SGK1: variants seen among roughly 807,000 people sequenced by gnomAD.
SGK1 encodes the protein serum/glucocorticoid regulated kinase 1.
A neutral mutation model predicts 64.2 loss-of-function variants in SGK1; 26 were observed. The ratio of observed to expected loss-of-function variants is 0.40; its 90% CI spans 0.30 to 0.56. SGK1 has a LOEUF of 0.56. SGK1 is among the 20% of genes least tolerant of loss of function. SGK1 has a pLI of 0.38. For missense variants in SGK1, 519 were observed against 645.6 expected (o/e 0.80, Z 2.12); for synonymous variants, 265 against 239.7 (o/e 1.11, Z -0.98).
chr6:134,199,994 A>G (rs570785332), intron 3 of SGK1, among the ~76,000 whole-genome samples: 1 of 152,342 alleles, frequency 6.6e-6, no homozygotes, highest in South Asian at 2.1e-4. Context: ...TGTTGCCAAT[A>G]ATAGTACTGG....
chr6:134,230,955 A>T (rs1389249571), intron 2 of SGK1, among the ~76,000 whole-genome samples: 2 of 152,200 alleles, frequency 1.3e-5, no homozygotes, highest in African/African-American at 4.8e-5. Context: ...CAGAGGCTGT[A>T]GTGAGCCAAG....
At chr6:134,287,004 T>C (rs770394608) in intron 1 of SGK1, among the ~76,000 whole-genome samples, 20 of 152,188 alleles carry the variant, frequency 1.3e-4, no homozygotes, top group Non-Finnish European at 2.9e-4. Context: ...TTTTTTGTTT[T>C]GTTTTTTGAG....
intron 2 of SGK1, among the ~76,000 whole-genome samples, chr6:134,242,805 G>T (rs1383999304): frequency 2.0e-5 from 3 of 152,072 alleles, no homozygotes; most frequent in Non-Finnish European, 4.4e-5. Context: ...CTGTCCTTGA[G>T]TGTGAACTAG....
chr6:134,194,560 C>T (rs971552797), intron 3 of SGK1, among the ~76,000 whole-genome samples: 5 of 151,030 alleles, frequency 3.3e-5, no homozygotes, highest in Middle Eastern at 3.2e-3. Flanking sequence ...GCTCCGTTAC[C>T]CAGGCTGGAG....
chr6:134,297,141 C>T (rs752866769), intron 1 of SGK1: 10 of 590,216 alleles, frequency 1.7e-5, no homozygotes, highest in Non-Finnish European at 2.9e-5. Flanking sequence ...TGTGAGGCCC[C>T]CATAGGCTGA....
At chr6:134,225,854 C>T (rs924322587) in intron 2 of SGK1, among the ~76,000 whole-genome samples, 1 of 151,808 alleles carries the variant, frequency 6.6e-6, no homozygotes, top group African/African-American at 2.4e-5. Flanking sequence ...GGGAGGATGG[C>T]TTGAGCCCAG....
intron 1 of SGK1, among the ~76,000 whole-genome samples, chr6:134,267,410 G>T (rs1188445331): frequency 6.6e-6 from 1 of 151,714 alleles, no homozygotes; most frequent in Non-Finnish European, 1.5e-5. Flanking sequence ...CTATCCTCTC[G>T]CCTCAGCCTC....
chr6:134,283,873 CAAAAAAAAAAAAAAAAAAAA>C (rs35999916), intron 1 of SGK1, among the ~76,000 whole-genome samples: 3 of 26,128 alleles, frequency 1.1e-4, no homozygotes, highest in Non-Finnish European at 1.4e-4. Context: ...CTGCCACCAC[CAAAAAAAAAAAAAAAAAAAA>C]AAAAAAAAAA....
At chr6:134,279,020 TG>T (rs1231903970) in intron 1 of SGK1, among the ~76,000 whole-genome samples, 2 of 152,244 alleles carry the variant, frequency 1.3e-5, no homozygotes, top group Non-Finnish European at 2.9e-5. Flanking sequence ...ATTTAAAAAG[TG>T]TAGGCAAGGT....
chr6:134,212,839 G>A (rs187466693), intron 2 of SGK1, among the ~76,000 whole-genome samples: 46 of 152,190 alleles, frequency 3.0e-4, no homozygotes, highest in East Asian at 2.9e-3. Flanking sequence ...TGCCATATGC[G>A]AGCTTTCTTT....
intron 1 of SGK1, among the ~76,000 whole-genome samples, chr6:134,286,478 A>ATTTT (rs1267281237): frequency 7.8e-6 from 1 of 128,470 alleles, no homozygotes; most frequent in African/African-American, 2.9e-5. Context: ...AAAATACAAT[A>ATTTT]TTTTTTTTTT....
At chr6:134,310,893 T>C (rs1234168726) in intron 1 of SGK1, among the ~76,000 whole-genome samples, 1 of 152,236 alleles carries the variant, frequency 6.6e-6, no homozygotes, top group Admixed American at 6.5e-5. Flanking sequence ...CAGCCTACTA[T>C]ATATTACTGA....
chr6:134,310,191 C>T (rs540914039), intron 1 of SGK1, among the ~76,000 whole-genome samples: 45 of 152,208 alleles, frequency 3.0e-4, no homozygotes, highest in African/African-American at 1.0e-3. Context: ...ATATGGCACC[C>T]GCATTTCAGC....
rs1287717967 is a variant in SGK1 at position 134,171,022 on chromosome 6, C to T, written c.1323+1G>A. ...CAGGAGGACAGGAAAACATCACTCA[C>T]GAAGTCATCCTTGGCCCCGAGCCGC... On this transcript the variant is annotated splice_donor_variant, in intron 12 of 13. Transcript: ENST00000367858. LOFTEE classifies it high-confidence loss of function. 5 of 1,613,916 alleles carry T rather than the reference C, an allele frequency of 3.1e-6. No homozygotes were observed. The highest frequency in any genetic ancestry group is 1.3e-5 in the African/African-American group (1 of 74,900).
chr6:134,176,537 G>A (rs1743963), intron 3 of SGK1, among the ~76,000 whole-genome samples: 111,876 of 152,098 alleles, frequency 0.74, 42,446 homozygotes, highest in African/African-American at 0.91. Flanking sequence ...CCGCGAGCAC[G>A]GCGACTGGGC....
At chr6:134,175,988 CT>C in intron 3 of SGK1, 2 of 1,085,768 alleles carry the variant, frequency 1.8e-6, no homozygotes, top group Non-Finnish European at 2.2e-6. Context: ...GAAGTACAAT[CT>C]GCATTTCACT....
At chr6:134,260,250 T>G (rs1231895973) in intron 2 of SGK1, 3 of 151,856 alleles carry the variant, frequency 2.0e-5, no homozygotes, top group Admixed American at 1.3e-4. Context: ...TTGGGAGGGT[T>G]GAGGTGGGAG....
intron 3 of SGK1, among the ~76,000 whole-genome samples, chr6:134,194,724 T>C (rs1042082159): frequency 1.3e-5 from 2 of 152,132 alleles, no homozygotes; most frequent in African/African-American, 4.8e-5. Flanking sequence ...GGTTTCACCA[T>C]GTCGGCCAGG....
intron 1 of SGK1, among the ~76,000 whole-genome samples, chr6:134,312,148 A>G (rs1777617998): frequency 6.6e-6 from 1 of 152,166 alleles, no homozygotes; most frequent in Admixed American, 6.5e-5. Flanking sequence ...ACCTCTTCCT[A>G]GGTCTACGAT....
Sources: allele counts gnomAD v4.1 joint callset (sites outside exome capture counted in the v4.1 genomes callset), GRCh38; gene constraint gnomAD v4.1.1; transcripts MANE v1.5; gene names NCBI Gene and HGNC (gene_info 2026-07-23, HGNC 2026-07-21).